Variants in STXBP4 observed in about 807,000 individuals in gnomAD.
STXBP4 encodes syntaxin binding protein 4.
Under a neutral mutation model 76.1 loss-of-function variants are expected in STXBP4, and 55 were observed. That is an observed-to-expected ratio of 0.72 (90% CI 0.58 to 0.91). STXBP4 has a LOEUF of 0.91. STXBP4 is among the 40% of genes least tolerant of loss of function. The pLI is 0.00. For synonymous variants in STXBP4, 201 were observed against 220.2 expected (o/e 0.91, Z 0.77); for missense variants, 618 against 636.9 (o/e 0.97, Z 0.32).
rs35693723 is a variant in STXBP4, at chr17:55,153,564, AAT to A, written c.1548-6230_1548-6229del. On this transcript the variant is annotated intron_variant, in intron 17 of 17. Transcript: ENST00000376352. ...TTAGAATCATATAAATTAGTTGAAA[AAT>A]ATGTTTTAAATTTTAGTTTTTTAAG... is the stretch of plus-strand genomic sequence containing the variant. Among the ~76,000 whole-genome samples the A allele has an allele frequency of 5.6e-3, 844 of 151,914 alleles. 4 individuals are homozygous for A. Among genetic ancestry groups the A allele is most frequent in the Non-Finnish European group, 9.8e-3 (663 of 67,932 alleles).
intron 16 of STXBP4, among the ~76,000 whole-genome samples, chr17:55,115,585 T>A (rs187242): frequency 0.31 from 47,607 of 151,688 alleles, 7,588 homozygotes; most frequent in African/African-American, 0.38. Context: ...AATTTTTAAC[T>A]ATACCCTCTT....
At chr17:54,997,072 G>A (rs1262556932) in intron 4 of STXBP4, among the ~76,000 whole-genome samples, 1 of 152,216 alleles carries the variant, frequency 6.6e-6, no homozygotes, top group Admixed American at 6.5e-5. Context: ...TCTAGACTGT[G>A]TGGAAGAGGT....
intron 12 of STXBP4, among the ~76,000 whole-genome samples, chr17:55,048,313 A>G (rs1424958312): frequency 6.6e-6 from 1 of 151,928 alleles, no homozygotes; most frequent in Non-Finnish European, 1.5e-5. Flanking sequence ...ATGACCATCA[A>G]AACAAGATCC....
At chr17:55,049,772 G>C (rs2078835361) in intron 12 of STXBP4, among the ~76,000 whole-genome samples, 1 of 151,772 alleles carries the variant, frequency 6.6e-6, no homozygotes, top group Non-Finnish European at 1.5e-5. Flanking sequence ...TTTTTAAAAA[G>C]TTTTTCAAAA....
chr17:55,107,521 T>C (rs2079649518), intron 16 of STXBP4, among the ~76,000 whole-genome samples: 1 of 152,262 alleles, frequency 6.6e-6, no homozygotes, highest in Admixed American at 6.5e-5. Context: ...AGAAGCATTC[T>C]GGTTTTTGGA....
chr17:55,082,155 G>A (rs2144918259), intron 16 of STXBP4, among the ~76,000 whole-genome samples: 1 of 152,254 alleles, frequency 6.6e-6, no homozygotes, highest in Non-Finnish European at 1.5e-5. Flanking sequence ...AAATGCTTTA[G>A]TACAGCTATA....
intron 17 of STXBP4, among the ~76,000 whole-genome samples, chr17:55,148,078 G>A (rs1295790767): frequency 6.6e-6 from 1 of 152,194 alleles, no homozygotes; most frequent in East Asian, 1.9e-4. Flanking sequence ...TGTTCAGTAT[G>A]TGAGAGCTTT....
intron 1 of STXBP4, among the ~76,000 whole-genome samples, chr17:54,971,574 G>T (rs1567864896): frequency 1.3e-5 from 2 of 152,092 alleles, no homozygotes; most frequent in Non-Finnish European, 2.9e-5. Context: ...AGGGGTTAGG[G>T]CTTCAACATA....
chr17:55,126,689 C>G (rs971739087), intron 16 of STXBP4, among the ~76,000 whole-genome samples: 4 of 152,186 alleles, frequency 2.6e-5, no homozygotes, highest in African/African-American at 4.8e-5. Flanking sequence ...GACCTGCTAA[C>G]AGCTAGACAA....
At chr17:55,142,404 A>G (rs2080103885) in intron 17 of STXBP4, among the ~76,000 whole-genome samples, 1 of 152,178 alleles carries the variant, frequency 6.6e-6, no homozygotes, top group Admixed American at 6.5e-5. Flanking sequence ...CCCCTTTCAA[A>G]TGTGCAAATA....
At chr17:55,089,909 A>C (rs2144960036) in intron 16 of STXBP4, among the ~76,000 whole-genome samples, 1 of 152,282 alleles carries the variant, frequency 6.6e-6, no homozygotes, top group East Asian at 1.9e-4. Flanking sequence ...ACTAGAATAC[A>C]AAATAGGGCA....
intron 4 of STXBP4, among the ~76,000 whole-genome samples, chr17:54,998,145 A>C (rs2077846958): frequency 1.3e-5 from 2 of 152,180 alleles, no homozygotes; most frequent in South Asian, 4.1e-4. Flanking sequence ...TAGGAGTAAA[A>C]TAACTGTGAA....
In STXBP4 at chr17:54,984,450, C is replaced by A. The variant is rs554896978; in HGVS notation, c.-156-1164C>A. The stretch of plus-strand genomic sequence containing the variant: ...CTCCGCCTCCCAGGTTCACGCCATT[C>A]TCCTGCCTCAGCCTCCCGAGTAGCT... On this transcript the variant is annotated intron_variant, in intron 1 of 17. Transcript: ENST00000376352. 1.7e-4 allele frequency among the ~76,000 whole-genome samples: 26 copies of A among 149,078 alleles called. 1 individual carries two copies. The South Asian group carries it at 5.6e-3, about 32-fold the overall frequency.
At chr17:55,070,881 C>A (rs1463759047) in intron 12 of STXBP4, among the ~76,000 whole-genome samples, 1 of 152,064 alleles carries the variant, frequency 6.6e-6, no homozygotes, top group Non-Finnish European at 1.5e-5. Flanking sequence ...TAAGTCATAC[C>A]TGATGTTCTA....
Position 55,012,018 on chromosome 17 carries a change from C to T in STXBP4, c.666+4421C>T, listed in dbSNP as rs764592390. On this transcript the variant is annotated intron_variant, in intron 8 of 17. Coordinates refer to ENST00000376352, the MANE Select transcript of STXBP4 (RefSeq NM_178509.6). The stretch of plus-strand genomic sequence containing the variant: ...GGGCTAGCAGGCCGGTCCAGGGGTC[C>T]GCGGTAGATCTTAGTCATGGACTGC... Among the ~76,000 whole-genome samples, 15 of 152,178 alleles carry T rather than the reference C, an allele frequency of 9.9e-5. No homozygotes were observed. In the East Asian group the frequency reaches 1.4e-3, roughly 14 times the overall value.
chr17:55,209,178 A>C, the STXBP4 span, among the ~76,000 whole-genome samples: 1 of 151,960 alleles, frequency 6.6e-6, no homozygotes, highest in South Asian at 2.1e-4. Flanking sequence ...CTGAAGATTA[A>C]AAAAAAATAA....
chr17:55,120,210 A>G (rs1470395093), intron 16 of STXBP4, among the ~76,000 whole-genome samples: 1 of 152,138 alleles, frequency 6.6e-6, no homozygotes, highest in African/African-American at 2.4e-5. Context: ...GTCAGTCTTT[A>G]TTGTTCTATA....
At chr17:55,074,475 G>A (rs146215821) in intron 13 of STXBP4, among the ~76,000 whole-genome samples, 119 of 152,158 alleles carry the variant, frequency 7.8e-4, no homozygotes, top group Non-Finnish European at 1.4e-3. Context: ...TTTAGCCTGA[G>A]TATGAAAATA....
At chr17:55,047,186 G>C in intron 12 of STXBP4, 32 bp downstream of exon 12, 2 of 175,966 alleles carry the variant, frequency 1.1e-5, no homozygotes, top group Non-Finnish European at 1.7e-5. Flanking sequence ...ATATGTGCTC[G>C]TGTGTGTGTG....
Sources: gnomAD v4.1 joint callset for allele counts (sites outside exome capture counted in the v4.1 genomes callset) on GRCh38, gnomAD v4.1.1 for gene constraint, MANE v1.5 for transcripts, NCBI Gene and HGNC (gene_info 2026-07-23, HGNC 2026-07-21) for gene names.